The following PTPRT variants were observed in gnomAD, a reference collection of about 807,000 sequenced individuals.
PTPRT encodes the protein protein tyrosine phosphatase receptor type T.
Under a neutral mutation model 176.8 loss-of-function variants are expected in PTPRT, and 56 were observed. The observed-to-expected ratio is 0.32, with a 90% CI of 0.26 to 0.40. PTPRT has a LOEUF of 0.40. Among genes scored for constraint, PTPRT ranks in the 10% least tolerant of loss-of-function variants. The pLI is 1.00. For missense variants in PTPRT, 1,540 were observed against 1,908.2 expected (o/e 0.81, Z 3.60); for synonymous variants, 783 against 739.0 (o/e 1.06, Z -0.96).
intron 13 of PTPRT, among the ~76,000 whole-genome samples, chr20:42,257,651 C>T (rs1403118262): frequency 4.4e-5 from 4 of 90,464 alleles, no homozygotes; most frequent in Non-Finnish European, 6.6e-5. Context: ...CCACCCCCCC[C>T]CCCCCGCCCA....
chr20:42,823,026 C>T (rs1317789964), intron 2 of PTPRT, among the ~76,000 whole-genome samples: 3 of 152,154 alleles, frequency 2.0e-5, no homozygotes, highest in Admixed American at 6.5e-5. Flanking sequence ...ACCCAGCAAT[C>T]CCATTACTGG....
intron 7 of PTPRT, among the ~76,000 whole-genome samples, chr20:42,641,629 G>A (rs144076392): frequency 1.5e-3 from 233 of 152,262 alleles, no homozygotes; most frequent in African/African-American, 5.2e-3. Flanking sequence ...GCCAGATTAA[G>A]GCTGAATGTA....
At chr20:42,307,799 G>T (rs2057566012) in intron 12 of PTPRT, among the ~76,000 whole-genome samples, 1 of 152,138 alleles carries the variant, frequency 6.6e-6, no homozygotes, top group South Asian at 2.1e-4. Flanking sequence ...ATTCTCAGGA[G>T]GTTAGGCATT....
intron 2 of PTPRT, among the ~76,000 whole-genome samples, chr20:42,823,567 T>A (rs1039009998): frequency 2.6e-5 from 4 of 151,950 alleles, no homozygotes; most frequent in Non-Finnish European, 5.9e-5. Flanking sequence ...ATTACTCACA[T>A]CCTCCTCAAA....
intron 24 of PTPRT, 97 bp from the exon 25 acceptor site, chr20:42,104,815 A>T: frequency 7.8e-7 from 1 of 1,289,808 alleles, no homozygotes; most frequent in Non-Finnish European, 1.1e-6. Context: ...AAGAATAGAC[A>T]TGATTTATCA....
At chr20:42,747,312 G>C (rs1332779978) in intron 6 of PTPRT, among the ~76,000 whole-genome samples, 1 of 152,160 alleles carries the variant, frequency 6.6e-6, no homozygotes, top group Non-Finnish European at 1.5e-5. Context: ...CCTGGATACA[G>C]CAAATGTTTA....
chr20:42,669,065 C>T (rs940906440), intron 7 of PTPRT, among the ~76,000 whole-genome samples: 1 of 151,884 alleles, frequency 6.6e-6, no homozygotes, highest in African/African-American at 2.4e-5. Context: ...ATGATCAGAG[C>T]AGGTTTTCTC....
At chr20:42,239,874 T>A (rs537205968) in intron 14 of PTPRT, among the ~76,000 whole-genome samples, 104 of 152,302 alleles carry the variant, frequency 6.8e-4, no homozygotes, top group African/African-American at 2.4e-3. Flanking sequence ...ATATAATTAC[T>A]CTCACGGTTA....
intron 8 of PTPRT, among the ~76,000 whole-genome samples, chr20:42,470,685 G>A (rs150210145): frequency 1.3e-5 from 2 of 152,144 alleles, no homozygotes; most frequent in African/African-American, 4.8e-5. Context: ...AAGTCAATCT[G>A]GGGCAATCAA....
chr20:43,165,141 A>AGTTC (rs764520116), intron 1 of PTPRT, among the ~76,000 whole-genome samples: 22 of 149,694 alleles, frequency 1.5e-4, no homozygotes, highest in Non-Finnish European at 3.1e-4. Context: ...TAGAGAGGCC[A>AGTTC]GTTCATCTGC....
chr20:42,486,228 C>A (rs1250267746), intron 7 of PTPRT, among the ~76,000 whole-genome samples: 1 of 152,170 alleles, frequency 6.6e-6, no homozygotes, highest in Non-Finnish European at 1.5e-5. Flanking sequence ...TTTACATAAG[C>A]CACCAAATGA....
At chr20:42,694,728 G>C (rs1032926291) in intron 6 of PTPRT, among the ~76,000 whole-genome samples, 1 of 152,184 alleles carries the variant, frequency 6.6e-6, no homozygotes, top group African/African-American at 2.4e-5. Context: ...TAAGTATGTA[G>C]TGATGTTTCA....
intron 1 of PTPRT, among the ~76,000 whole-genome samples, chr20:43,043,950 A>T (rs979450420): frequency 6.6e-6 from 1 of 152,048 alleles, no homozygotes. Flanking sequence ...ACCACAGAGA[A>T]CAGCTGATAT....
intron 18 of PTPRT, among the ~76,000 whole-genome samples, chr20:42,140,876 A>C (rs1467807924): frequency 6.6e-6 from 1 of 152,182 alleles, no homozygotes; most frequent in African/African-American, 2.4e-5. Flanking sequence ...GGTGCCAGGC[A>C]CTGTAGCAAG....
intron 2 of PTPRT, among the ~76,000 whole-genome samples, chr20:42,800,751 G>A (rs188185866): frequency 1.3e-5 from 2 of 152,086 alleles, no homozygotes; most frequent in African/African-American, 4.8e-5. Flanking sequence ...ATGGAAAGGG[G>A]GAGAAAAGAC....
At chr20:42,248,215 C>G (rs2056487086) in intron 14 of PTPRT, among the ~76,000 whole-genome samples, 1 of 152,168 alleles carries the variant, frequency 6.6e-6, no homozygotes, top group Non-Finnish European at 1.5e-5. Flanking sequence ...TAGACTCTAT[C>G]TCTCATGGAG....
chr20:42,133,380 C>G (rs1164606435), intron 18 of PTPRT, among the ~76,000 whole-genome samples: 1 of 152,190 alleles, frequency 6.6e-6, no homozygotes, highest in Non-Finnish European at 1.5e-5. Flanking sequence ...AGTTATCAAG[C>G]TGCAACAGAC....
At chr20:43,089,095 C>T (rs1475443362) in intron 1 of PTPRT, among the ~76,000 whole-genome samples, 1 of 152,148 alleles carries the variant, frequency 6.6e-6, no homozygotes, top group Non-Finnish European at 1.5e-5. Context: ...CCAAATACCA[C>T]AGAATATGCA....
chr20:42,592,755 T>C (rs1031933151), intron 7 of PTPRT, among the ~76,000 whole-genome samples: 2 of 152,154 alleles, frequency 1.3e-5, no homozygotes, highest in Non-Finnish European at 2.9e-5. Flanking sequence ...AGTTTCTGCT[T>C]CCTGGTTTCC....
Sources: allele counts gnomAD v4.1 joint callset (sites outside exome capture counted in the v4.1 genomes callset), GRCh38; gene constraint gnomAD v4.1.1; transcripts MANE v1.5; gene names NCBI Gene and HGNC (gene_info 2026-07-23, HGNC 2026-07-21).